Variants in ERCC6L2 observed in about 807,000 individuals in gnomAD.
The protein encoded by ERCC6L2 is ERCC excision repair 6 like 2, also known as DNA excision repair protein ERCC-6-like 2.
Under a neutral mutation model 132.0 loss-of-function variants are expected in ERCC6L2, and 77 were observed. The ratio of observed to expected loss-of-function variants is 0.58; its 90% CI spans 0.49 to 0.71. The LOEUF is 0.71. Among genes scored for constraint, ERCC6L2 ranks in the 30% least tolerant of loss-of-function variants. The probability of loss-of-function intolerance (pLI) is 0.00; values close to 1 mark genes in which losing one functional copy is unlikely to be tolerated. For synonymous variants in ERCC6L2, 583 were observed against 632.4 expected, an observed-to-expected ratio of 0.92 and a Z score of 1.17; for missense variants, 1,542 against 1,837.6, an observed-to-expected ratio of 0.84 and a Z score of 2.94.
intron 19 of ERCC6L2, among the ~76,000 whole-genome samples, chr9:96,027,456 C>T (rs941383501): frequency 1.8e-4 from 27 of 152,248 alleles, no homozygotes; most frequent in African/African-American, 6.3e-4. Flanking sequence ...CAGCCCGGCG[C>T]GGGAGAGGCT....
intron 17 of ERCC6L2, among the ~76,000 whole-genome samples, chr9:96,001,977 T>C (rs191459867): frequency 0.032 from 4,836 of 152,320 alleles, 276 homozygotes; most frequent in African/African-American, 0.11. Context: ...AAGTCCCCCA[T>C]TGCCGGGGAC....
chr9:95,946,565 G>A (rs1233176927), intron 12 of ERCC6L2, among the ~76,000 whole-genome samples: 1 of 151,832 alleles, frequency 6.6e-6, no homozygotes, highest in Non-Finnish European at 1.5e-5. Context: ...AAATCCACTA[G>A]GCTAAATAAA....
chr9:95,959,081 A>G (rs1408001198), intron 13 of ERCC6L2, among the ~76,000 whole-genome samples: 4 of 152,160 alleles, frequency 2.6e-5, no homozygotes, highest in African/African-American at 9.7e-5. Context: ...TCTCAATCCT[A>G]AGTCAAAAGA....
intron 4 of ERCC6L2, among the ~76,000 whole-genome samples, chr9:95,911,523 TTTA>T (rs1159512951): frequency 1.3e-5 from 2 of 152,070 alleles, no homozygotes; most frequent in Admixed American, 1.3e-4. Flanking sequence ...TAGAGGAATG[TTTA>T]TGATTTTATA....
chr9:96,030,327 G>A (rs560101190), intron 19 of ERCC6L2, among the ~76,000 whole-genome samples: 1 of 152,092 alleles, frequency 6.6e-6, no homozygotes, highest in East Asian at 1.9e-4. Context: ...CAACACGCTC[G>A]GGTTCCCTTC....
chr9:95,928,890 G>A, intron 11 of ERCC6L2, 26 bp downstream of exon 11: 1 of 1,440,960 alleles, frequency 6.9e-7, no homozygotes, highest in Non-Finnish European at 9.3e-7. Flanking sequence ...TTAATAACTA[G>A]ATTTTTATCC....
chr9:95,978,272 C>T, intron 17 of ERCC6L2, 57 bp downstream of exon 17: 1 of 1,174,090 alleles, frequency 8.5e-7, no homozygotes, highest in South Asian at 1.4e-5. Flanking sequence ...ACAGAAGTTA[C>T]TCAATAGGAT....
At chr9:95,951,229 A>G (rs1160668550) in intron 12 of ERCC6L2, among the ~76,000 whole-genome samples, 2 of 152,238 alleles carry the variant, frequency 1.3e-5, no homozygotes, top group African/African-American at 4.8e-5. Context: ...AAAGGGTTGA[A>G]GAAGAATTCA....
chr9:95,899,858 T>G (rs1366022095), intron 3 of ERCC6L2, among the ~76,000 whole-genome samples: 1 of 152,188 alleles, frequency 6.6e-6, no homozygotes, highest in Non-Finnish European at 1.5e-5. Context: ...AAATAGCTTT[T>G]ATATTGTATT....
chr9:95,950,840 T>A (rs2132947080), intron 12 of ERCC6L2, among the ~76,000 whole-genome samples: 1 of 152,220 alleles, frequency 6.6e-6, no homozygotes, highest in East Asian at 1.9e-4. Flanking sequence ...AAGCAAACAT[T>A]GACAGAATTG....
intron 17 of ERCC6L2, among the ~76,000 whole-genome samples, chr9:95,983,859 C>T (rs765115388): frequency 6.6e-6 from 1 of 152,168 alleles, no homozygotes; most frequent in Non-Finnish European, 1.5e-5. Context: ...CAACAATGGC[C>T]GGAGGCTTAC....
In ERCC6L2 at chr9:95,921,260, C is replaced by T; in HGVS notation, c.1244C>T (p.Ser415Phe). 1 of 1,613,654 alleles carries T rather than the reference C, an allele frequency of 6.2e-7. No homozygotes were observed. Among genetic ancestry groups the T allele is most frequent in the Non-Finnish European group, 8.5e-7 (1 of 1,179,720 alleles). Residue 415 changes from serine (S) to phenylalanine (F), a missense_variant, in exon 7 of 19, where the codon TCT becomes TTT. By Grantham distance (155) the Ser-to-Phe change is radical. Transcript: ENST00000653738. The stretch of plus-strand genomic sequence containing the variant: ...GAGGACGTGACTTTGATACTTCAAT[C>T]TTCTGAGCCTTGTACCTGTAGGAGT... The part of the protein sequence containing the change: ...ETEDVTLILQ[S>F]SEPCTCRSGQ...
At chr9:95,952,186 G>A (rs116520195) in intron 12 of ERCC6L2, among the ~76,000 whole-genome samples, 6,252 of 52,442 alleles carry the variant, frequency 0.12, 23 homozygotes, top group African/African-American at 0.17. Flanking sequence ...AAAAAAAAAA[G>A]AATTTGCACC....
At chr9:95,916,605 G>GT (rs1287000138) in intron 6 of ERCC6L2, among the ~76,000 whole-genome samples, 171 bp downstream of exon 6, 1 of 150,854 alleles carries the variant, frequency 6.6e-6, no homozygotes, top group African/African-American at 2.4e-5. Context: ...GAGCTCAGTT[G>GT]TTTTCCTTAC....
chr9:96,017,450 A>G lies in ERCC6L2; in HGVS notation c.*4247A>G, dbSNP rs1355005448. Among the ~76,000 whole-genome samples, 1 of 152,128 alleles carries G rather than the reference A, an allele frequency of 6.6e-6. No homozygotes were observed. The highest frequency in any genetic ancestry group is 1.5e-5 in the Non-Finnish European group (1 of 67,984). Reference sequence around the variant, plus strand: ...CCCAGGCTGTGTGGTTCCCAGCCCCAAGGGTAGCAAGTCAGAACCTCCGGA... The same window carrying G: ...CCCAGGCTGTGTGGTTCCCAGCCCCGAGGGTAGCAAGTCAGAACCTCCGGA... On this transcript the variant is annotated 3_prime_UTR_variant, in exon 19 of 19. Transcript: ENST00000653738.
chr9:95,995,498 G>C (rs572386747), intron 17 of ERCC6L2, among the ~76,000 whole-genome samples: 4 of 152,202 alleles, frequency 2.6e-5, no homozygotes, highest in Non-Finnish European at 4.4e-5. Context: ...GAAGAAGAAA[G>C]TTTTCCCTAC....
intron 11 of ERCC6L2, among the ~76,000 whole-genome samples, chr9:95,932,092 A>T (rs1180554603): frequency 6.7e-6 from 1 of 149,338 alleles, no homozygotes; most frequent in Non-Finnish European, 1.5e-5. Flanking sequence ...TTTTTTTAAG[A>T]CAGTGTCTCA....
At chr9:95,994,699 G>A (rs1360959877) in intron 17 of ERCC6L2, among the ~76,000 whole-genome samples, 3 of 152,186 alleles carry the variant, frequency 2.0e-5, no homozygotes, top group African/African-American at 4.8e-5. Flanking sequence ...AGCTATAGCT[G>A]TGTCTCCAGG....
intron 2 of ERCC6L2, among the ~76,000 whole-genome samples, chr9:95,887,799 G>C (rs770892478): frequency 6.6e-6 from 1 of 152,066 alleles, no homozygotes; most frequent in Non-Finnish European, 1.5e-5. Flanking sequence ...AGGTTCTTGG[G>C]ATCTCAAGTC....
Sources: allele counts gnomAD v4.1 joint callset (sites outside exome capture counted in the v4.1 genomes callset), GRCh38; gene constraint gnomAD v4.1.1; transcripts MANE v1.5; gene names NCBI Gene and HGNC (gene_info 2026-07-23, HGNC 2026-07-21).